The following LATS1 variants were observed in gnomAD, a reference collection of about 807,000 sequenced individuals.
The protein encoded by LATS1 is serine/threonine-protein kinase LATS1.
LATS1 carries 25 observed loss-of-function variants against 106.6 expected under a neutral mutation model. That is an observed-to-expected ratio of 0.23 (90% CI 0.17 to 0.33). The LOEUF (loss-of-function observed/expected upper bound fraction) is 0.33, where lower values mean the gene tolerates loss of function less well. Ranked by LOEUF, LATS1 falls within the 10% of genes least tolerant of loss-of-function variation. LATS1 has a pLI of 1.00. For synonymous variants in LATS1, 465 were observed against 455.6 expected, an observed-to-expected ratio of 1.02 and a Z score of -0.26; for missense variants, 1,040 against 1,382.6, an observed-to-expected ratio of 0.75 and a Z score of 3.93.
At chr6:149,697,947 C>A (rs1172632894) in intron 2 of LATS1, among the ~76,000 whole-genome samples, 5 of 152,078 alleles carry the variant, frequency 3.3e-5, no homozygotes, top group African/African-American at 4.8e-5. Flanking sequence ...GCCTTGTTGG[C>A]CAGGTTGGTC....
intron 7 of LATS1, 47 bp downstream of exon 7, chr6:149,676,213 T>G (rs538837664): frequency 2.0e-4 from 256 of 1,259,314 alleles, no homozygotes; most frequent in Admixed American, 4.4e-4. Context: ...AAGTCAATGA[T>G]GTAGCAACTT....
At chr6:149,708,859 C>A (rs975787503) in intron 1 of LATS1, among the ~76,000 whole-genome samples, 1 of 152,088 alleles carries the variant, frequency 6.6e-6, no homozygotes, top group African/African-American at 2.4e-5. Context: ...TGAAAATAGA[C>A]AAAGACTGCC....
At chr6:149,713,714 C>T (rs1175286325) in intron 1 of LATS1, among the ~76,000 whole-genome samples, 2 of 151,768 alleles carry the variant, frequency 1.3e-5, no homozygotes, top group Non-Finnish European at 2.9e-5. Context: ...GGTTGGAGTG[C>T]AATGGCGTGA....
At chr6:149,667,302 G>T (rs190351617) in intron 7 of LATS1, among the ~76,000 whole-genome samples, 2 of 151,740 alleles carry the variant, frequency 1.3e-5, no homozygotes, top group South Asian at 4.2e-4. Flanking sequence ...TGGGTGTGGT[G>T]GTGTGCCTAC....
Position 149,683,903 on chromosome 6 carries a change from C to T in LATS1, c.1186G>A (p.Ala396Thr), listed in dbSNP as rs928634562. The change falls in exon 4 of 8, where the codon GCT becomes ACT. Residue 396 changes from alanine to threonine, a missense_variant. Ala to Thr is a moderately conservative substitution (Grantham distance 58). Transcript: ENST00000543571. ...CTTCCATTTGTATATGACGAAGGAG[C>T]AGCAGATCCCCCTGTTTGTAAAGCA... ...PSALQTGGSA[A>T]PSSYTNGSIP... 3 of 1,614,034 alleles carry T rather than the reference C, an allele frequency of 1.9e-6. No individual in the cohort carries two copies. The African/African-American group carries it at 4.0e-5, about 22-fold the overall frequency.
Position 149,683,293 on chromosome 6 carries a change from T to G in LATS1, c.1796A>C (p.Asn599Thr), listed in dbSNP as rs780938820. The G allele has an allele frequency of 5.0e-6, 8 of 1,614,170 alleles. No homozygotes were observed. In the South Asian group the frequency reaches 8.8e-5, roughly 18 times the overall value. The change falls in exon 4 of 8, where the codon AAT (asparagine) becomes ACT (threonine). Residue 599 changes from asparagine (N) to threonine (T), a missense_variant. By Grantham distance (65) the Asn-to-Thr change is moderately conservative (BLOSUM62 0). Coordinates refer to ENST00000543571, the MANE Select transcript of LATS1 (RefSeq NM_004690.4). ...CTTTTCTTTATCCCCACTATCAACA[T>G]TTTCATAACTCTTTTCACTCTCATC... ...KEDESEKSYE[N>T]VDSGDKEKKQ...
In LATS1 at chr6:149,674,084, GT is replaced by G. The variant is rs955381267; in HGVS notation, c.2883+2175del. Among the ~76,000 whole-genome samples, 6 of 149,802 alleles carry G rather than the reference GT, an allele frequency of 4.0e-5. No individual in the cohort carries two copies. The East Asian group carries it at 6.0e-4, about 15-fold the overall frequency. On this transcript the variant is annotated intron_variant, in intron 7 of 7. Coordinates refer to ENST00000543571, the MANE Select transcript of LATS1 (RefSeq NM_004690.4). Reference sequence around the variant, plus strand: ...TCAGGAAACTCTCAAAGAATAATTTGTTTTTTTTAGACAGAGTTTTGCTCTT... The same window carrying G: ...TCAGGAAACTCTCAAAGAATAATTTGTTTTTTTAGACAGAGTTTTGCTCTT...
At position 149,676,821 on chromosome 6, in the gene LATS1, T is replaced by C. The variant is rs1225756274; in HGVS notation, c.2594-84A>G. 4 of 1,252,592 alleles carry C rather than the reference T, an allele frequency of 3.2e-6. No individual in the cohort carries two copies. In the African/African-American group the frequency reaches 5.9e-5, roughly 19 times the overall value. 77.6% of individuals were successfully genotyped at this position (1,252,592 alleles called of 1,614,324 possible). ...TATTTAATCTTCTGACATCGTGGTT[T>C]AGGGTTAACAACATTCTCCCTTGTG... On this transcript the variant is annotated intron_variant, in intron 5 of 7. Coordinates refer to ENST00000543571, the MANE Select transcript of LATS1 (RefSeq NM_004690.4).
At chr6:149,688,541 G>A (rs376012516) in intron 3 of LATS1, among the ~76,000 whole-genome samples, 1 of 149,670 alleles carries the variant, frequency 6.7e-6, no homozygotes, top group South Asian at 2.1e-4. Flanking sequence ...AATTCCTGAC[G>A]TCGTGACCCG....
chr6:149,696,945 TA>T, intron 2 of LATS1: 1 of 404,648 alleles, frequency 2.5e-6, no homozygotes, highest in Middle Eastern at 5.0e-4. Flanking sequence ...AGAAAACATG[TA>T]AACTACCAAG....
chr6:149,704,535 G>A (rs898090284), intron 1 of LATS1, among the ~76,000 whole-genome samples: 2 of 146,592 alleles, frequency 1.4e-5, no homozygotes, highest in Non-Finnish European at 1.5e-5. Flanking sequence ...TGCTCAGGCT[G>A]GAGTACAGTG....
rs1262373252 is a variant in LATS1 at position 149,702,051 on chromosome 6, T to C, written c.76A>G (p.Ser26Gly). The change falls in exon 2 of 8, where the codon AGT (serine) becomes GGT (glycine). Residue 26 changes from serine to glycine, a missense_variant. Around this residue, in one of 7 missense-constraint regions of LATS1, gnomAD observed 624 missense variants for 714.8 expected, o/e 0.87. Coordinates refer to ENST00000543571, the MANE Select transcript of LATS1 (RefSeq NM_004690.4). ...KTFPASNYTV[S>G]SRQMLQEIRE... is the part of the protein sequence containing the mutation. ...ATTTCTTGTAACATTTGCCGGCTAC[T>C]GACAGTATAGTTACTGGCAGGAAAG... 3 of 1,614,174 alleles carry C rather than the reference T, an allele frequency of 1.9e-6. No homozygotes were observed. Among genetic ancestry groups the C allele is most frequent in the Non-Finnish European group, 2.5e-6 (3 of 1,180,020 alleles).
chr6:149,709,889 TG>T (rs1783997150), intron 1 of LATS1, among the ~76,000 whole-genome samples: 1 of 151,984 alleles, frequency 6.6e-6, no homozygotes, highest in Non-Finnish European at 1.5e-5. Flanking sequence ...TTGGCCAAGC[TG>T]GTCTTGAACT....
At position 149,660,110 on chromosome 6, in the gene LATS1, A is replaced by G. The variant is rs894861127; in HGVS notation, c.*1619T>C. 1.3e-5 allele frequency: 3 copies of G among 232,328 alleles called. No individual in the cohort carries two copies. Among genetic ancestry groups the G allele is most frequent in the African/African-American group, 2.2e-5 (1 of 45,298 alleles). The allele number at this position is 232,328 out of a possible 1,614,324, so 14.4% of individuals were successfully genotyped here. A position where few individuals can be genotyped will look rare whatever the true frequency, so the allele number is the denominator to read the frequency against. Reference sequence around the variant, plus strand: ...AACCTACAGCCTGTGATAGGTTTCAATATGTCCAAAATCCCTTGAAACTGC... The same window carrying G: ...AACCTACAGCCTGTGATAGGTTTCAGTATGTCCAAAATCCCTTGAAACTGC... On this transcript the variant is annotated 3_prime_UTR_variant, in exon 8 of 8. Transcript: ENST00000543571.
intron 7 of LATS1, among the ~76,000 whole-genome samples, chr6:149,665,732 C>CTCTA (rs1781110309): frequency 6.6e-6 from 1 of 152,128 alleles, no homozygotes; most frequent in Non-Finnish European, 1.5e-5. Context: ...ATCTATCTGC[C>CTCTA]TAGAAAGGAA....
chr6:149,678,694 G>A (rs1046543042), intron 5 of LATS1, among the ~76,000 whole-genome samples: 3 of 152,284 alleles, frequency 2.0e-5, no homozygotes, highest in South Asian at 2.1e-4. Context: ...TTCCATTAGC[G>A]CTTGGAGGGA....
intron 1 of LATS1, among the ~76,000 whole-genome samples, chr6:149,707,995 G>A (rs756279335): frequency 2.6e-5 from 4 of 151,628 alleles, no homozygotes; most frequent in Admixed American, 2.0e-4. Flanking sequence ...TATTCTTGAA[G>A]TTTTCCAAAA....
chr6:149,666,944 A>C (rs1433520859), intron 7 of LATS1, among the ~76,000 whole-genome samples: 4 of 135,816 alleles, frequency 2.9e-5, no homozygotes, highest in Non-Finnish European at 3.1e-5. Context: ...ACTCTGTCTC[A>C]AAAAAAAAAA....
rs1780775643 is a variant in LATS1 at position 149,658,391 on chromosome 6, A to G, written c.*3338T>C. The G allele has an allele frequency of 6.6e-6, 1 of 151,598 alleles. No individual in the cohort carries two copies. The highest frequency in any genetic ancestry group is 2.4e-5 in the African/African-American group (1 of 41,420). The allele number at this position is 151,598 out of a possible 1,614,324, so 9.4% of individuals were successfully genotyped here. A position where few individuals can be genotyped will look rare whatever the true frequency, so the allele number is the denominator to read the frequency against. On this transcript the variant is annotated 3_prime_UTR_variant, in exon 8 of 8. Transcript: ENST00000543571. The stretch of plus-strand genomic sequence containing the variant: ...TTTAATACAAAATACTTATATACAC[A>G]ATACAATATAAAAGTAAACTGTGTA...
Sources: allele counts gnomAD v4.1 joint callset (sites outside exome capture counted in the v4.1 genomes callset), GRCh38; gene constraint gnomAD v4.1.1; regional missense constraint gnomAD v4.1.1; transcripts MANE v1.5; gene names NCBI Gene and HGNC (gene_info 2026-07-23, HGNC 2026-07-21).